CNTN5: variants seen among roughly 807,000 people sequenced by gnomAD.
CNTN5 encodes the protein contactin 5, also known as contactin-5.
CNTN5 carries 77 observed loss-of-function variants against 129.1 expected under a neutral mutation model. The observed-to-expected ratio is 0.60, with a 90% CI of 0.50 to 0.72. The LOEUF is 0.72. CNTN5 is among the 30% of genes least tolerant of loss of function. CNTN5 has a pLI of 0.00. For synonymous variants in CNTN5, 509 were observed against 465.6 expected (o/e 1.09, Z -1.20); for missense variants, 1,478 against 1,328.8 (o/e 1.11, Z -1.75).
intron 2 of CNTN5, among the ~76,000 whole-genome samples, chr11:99,379,397 G>A (rs773849916): frequency 6.6e-6 from 1 of 151,730 alleles, no homozygotes; most frequent in Non-Finnish European, 1.5e-5. Context: ...AACGATCAGT[G>A]GGTGATTGAT....
intron 1 of CNTN5, among the ~76,000 whole-genome samples, chr11:99,126,740 G>C (rs1346978945): frequency 1.3e-5 from 2 of 152,158 alleles, no homozygotes; most frequent in Non-Finnish European, 2.9e-5. Context: ...CTACATTCCT[G>C]TCGGTTATTA....
chr11:99,742,276 G>T (rs1002703371), intron 3 of CNTN5, among the ~76,000 whole-genome samples: 16 of 152,102 alleles, frequency 1.1e-4, no homozygotes, highest in African/African-American at 3.6e-4. Flanking sequence ...AGTCAGAATG[G>T]CAATGCTTAT....
At chr11:99,433,255 G>T (rs1333371800) in intron 2 of CNTN5, among the ~76,000 whole-genome samples, 1 of 151,952 alleles carries the variant, frequency 6.6e-6, no homozygotes, top group Admixed American at 6.6e-5. Context: ...AGAAGGGAAG[G>T]TTTAGAAAAG....
chr11:99,686,920 A>G (rs1372970199), intron 3 of CNTN5, among the ~76,000 whole-genome samples: 1 of 152,120 alleles, frequency 6.6e-6, no homozygotes, highest in Non-Finnish European at 1.5e-5. Context: ...CCACAGCTCA[A>G]ATGCTGGCCT....
intron 1 of CNTN5, among the ~76,000 whole-genome samples, chr11:99,257,661 T>C (rs1291817302): frequency 6.6e-6 from 1 of 152,102 alleles, no homozygotes; most frequent in Non-Finnish European, 1.5e-5. Context: ...TGAATAAATA[T>C]ACTCATTTCT....
At chr11:99,730,468 T>C (rs1943493667) in intron 3 of CNTN5, among the ~76,000 whole-genome samples, 1 of 152,228 alleles carries the variant, frequency 6.6e-6, no homozygotes, top group Admixed American at 6.5e-5. Flanking sequence ...CTCAATATTT[T>C]ATGCCATCTT....
chr11:99,561,171 A>G (rs1403753829), intron 3 of CNTN5, among the ~76,000 whole-genome samples: 8 of 152,140 alleles, frequency 5.3e-5, no homozygotes, highest in Admixed American at 4.6e-4. Context: ...AGCGAGTGCT[A>G]AAACAAACAA....
chr11:99,090,086 AT>A (rs1157753628), intron 1 of CNTN5, among the ~76,000 whole-genome samples: 1 of 152,330 alleles, frequency 6.6e-6, no homozygotes, highest in East Asian at 1.9e-4. Context: ...ACTTTTAACC[AT>A]GATGATTGTT....
intron 2 of CNTN5, among the ~76,000 whole-genome samples, chr11:99,481,152 G>C (rs529459476): frequency 2.0e-5 from 3 of 151,846 alleles, no homozygotes; most frequent in African/African-American, 7.2e-5. Context: ...CTGGATATCT[G>C]CATTCAAAGG....
At chr11:99,744,753 A>G (rs760647090) in intron 3 of CNTN5, among the ~76,000 whole-genome samples, 1 of 149,828 alleles carries the variant, frequency 6.7e-6, no homozygotes, top group Non-Finnish European at 1.5e-5. Context: ...GGAGGTGCTT[A>G]TAACAGCTAT....
At chr11:99,856,520 A>G (rs773868073) in intron 6 of CNTN5, among the ~76,000 whole-genome samples, 7 of 152,156 alleles carry the variant, frequency 4.6e-5, no homozygotes, top group Non-Finnish European at 7.4e-5. Flanking sequence ...TGATCAGAGT[A>G]ACTTCTGTAT....
At position 99,110,744 on chromosome 11, in the gene CNTN5, C is replaced by T. The variant is rs558122258; in HGVS notation, c.-210+89474C>T. On this transcript the variant is annotated intron_variant, in intron 1 of 24. Coordinates refer to ENST00000524871, the MANE Select transcript of CNTN5 (RefSeq NM_014361.4). ...ATTATTGGGAAGAAGTTCTGATCAC[C>T]ATAAATGTTAATATCTCTATGTTCC... Among the ~76,000 whole-genome samples the T allele has an allele frequency of 2.9e-4, 44 of 152,132 alleles. 1 individual carries two copies. The South Asian group carries it at 7.5e-3, about 26-fold the overall frequency.
In CNTN5 at chr11:99,635,152, T is replaced by C. The variant is rs189869013; in HGVS notation, c.55+78883T>C. Among the ~76,000 whole-genome samples, 84 of 152,296 alleles carry C rather than the reference T, an allele frequency of 5.5e-4. 1 individual carries two copies. Among genetic ancestry groups the C allele is most frequent in the Middle Eastern group, 3.4e-3 (1 of 294 alleles). On this transcript the variant is annotated intron_variant, in intron 3 of 24. Coordinates refer to ENST00000524871, the MANE Select transcript of CNTN5 (RefSeq NM_014361.4). ...ATAATTGCTTTTCTCCTTTTTAATTTTCAGTATTTTTCAAACAAAATCTTC... is the reference window on the plus strand; with the variant it reads ...ATAATTGCTTTTCTCCTTTTTAATTCTCAGTATTTTTCAAACAAAATCTTC...
intron 1 of CNTN5, among the ~76,000 whole-genome samples, chr11:99,046,608 G>A (rs1864220598): frequency 6.6e-6 from 1 of 152,042 alleles, no homozygotes; most frequent in African/African-American, 2.4e-5. Flanking sequence ...CTCTAGCTAG[G>A]AATTTAAGCC....
chr11:100,016,469 C>T (rs1437624370), intron 9 of CNTN5, among the ~76,000 whole-genome samples: 1 of 151,940 alleles, frequency 6.6e-6, no homozygotes, highest in African/African-American at 2.4e-5. Flanking sequence ...CAGTGTGGTT[C>T]TGAATTGTCT....
In CNTN5 at chr11:99,401,256, A is replaced by G. The variant is rs780733591; in HGVS notation, c.-71+75772A>G. Among the ~76,000 whole-genome samples, 7 of 152,252 alleles carry G rather than the reference A, an allele frequency of 4.6e-5. No individual in the cohort carries two copies. The East Asian group carries it at 9.7e-4, about 21-fold the overall frequency. ...TGATCCATTTTGATTTGAATTTTGT[A>G]TATGGTCAGAGATAGGGATCTAGTT... On this transcript the variant is annotated intron_variant, in intron 2 of 24. Transcript: ENST00000524871.
At chr11:99,153,946 C>T (rs1860201299) in intron 1 of CNTN5, among the ~76,000 whole-genome samples, 1 of 151,266 alleles carries the variant, frequency 6.6e-6, no homozygotes. Flanking sequence ...TGGGCTGCAT[C>T]CTCTAACTCT....
chr11:99,381,397 G>A (rs538404484), intron 2 of CNTN5, among the ~76,000 whole-genome samples: 1 of 152,142 alleles, frequency 6.6e-6, no homozygotes, highest in African/African-American at 2.4e-5. Context: ...AAGTCCAGGA[G>A]TTAAAAGATA....
At chr11:99,276,345 T>C (rs1003582597) in intron 1 of CNTN5, among the ~76,000 whole-genome samples, 3 of 151,682 alleles carry the variant, frequency 2.0e-5, no homozygotes, top group African/African-American at 7.2e-5. Flanking sequence ...ACAAAACATA[T>C]TTATGTTCTG....
Sources: gnomAD v4.1 joint callset for allele counts (sites outside exome capture counted in the v4.1 genomes callset) on GRCh38, gnomAD v4.1.1 for gene constraint, MANE v1.5 for transcripts, NCBI Gene and HGNC (gene_info 2026-07-23, HGNC 2026-07-21) for gene names.